Variants in HYDIN observed in about 807,000 individuals in gnomAD.
HYDIN encodes the protein HYDIN axonemal central pair apparatus protein.
In HYDIN, 132 loss-of-function variants were observed where a neutral mutation model predicts 403.9. The ratio of observed to expected loss-of-function variants is 0.33; its 90% CI spans 0.28 to 0.38. HYDIN has a LOEUF of 0.38. Ranked by LOEUF, HYDIN falls within the 10% of genes least tolerant of loss-of-function variation. The pLI is 1.00. For synonymous variants in HYDIN, 1,202 were observed against 1,891.7 expected, an observed-to-expected ratio of 0.64 and a Z score of 9.46; for missense variants, 2,827 against 5,009.5, an observed-to-expected ratio of 0.56 and a Z score of 13.15.
At chr16:70,999,198 A>T (rs1175256050) in intron 23 of HYDIN, among the ~76,000 whole-genome samples, 4 of 152,148 alleles carry the variant, frequency 2.6e-5, no homozygotes. Flanking sequence ...TCCTTCATGG[A>T]CCTTAAGAAA....
At chr16:71,210,667 A>G (rs1277107796) in intron 1 of HYDIN, among the ~76,000 whole-genome samples, 1 of 152,318 alleles carries the variant, frequency 6.6e-6, no homozygotes. Context: ...AAAAGTTAAG[A>G]TATTTAAAAA....
chr16:70,909,004 G>C lies in HYDIN; in HGVS notation c.8005-143C>G, dbSNP rs575359024. 3.0e-4 allele frequency: 222 copies of C among 733,180 alleles called. 1 individual carries two copies. In the African/African-American group the frequency reaches 3.6e-3, roughly 12 times the overall value. 45.4% of individuals were successfully genotyped at this position (733,180 alleles called of 1,614,324 possible). A position where few individuals can be genotyped will look rare whatever the true frequency, so the allele number is the denominator to read the frequency against. On this transcript the variant is annotated intron_variant, in intron 47 of 85. Coordinates refer to ENST00000393567, the MANE Select transcript of HYDIN (RefSeq NM_001270974.2). ...AGAGCAGGGCAGGGTCTAGTCTTGG[G>C]TAGTGACAAGACCAGTGCATTCCTT...
chr16:70,851,203 C>CAAAAAAAAAAA (rs4028101), intron 73 of HYDIN, among the ~76,000 whole-genome samples: 8 of 22,140 alleles, frequency 3.6e-4, no homozygotes, highest in Admixed American at 9.2e-4. Flanking sequence ...ATCAATCCTG[C>CAAAAAAAAAAA]AAAAAAAAAA....
At chr16:71,195,539 A>G (rs1207667815) in intron 1 of HYDIN, among the ~76,000 whole-genome samples, 1 of 152,212 alleles carries the variant, frequency 6.6e-6, no homozygotes, top group Non-Finnish European at 1.5e-5. Context: ...TTCACTGAGT[A>G]TAAGGATTAA....
intron 84 of HYDIN, among the ~76,000 whole-genome samples, chr16:70,813,498 C>T (rs2035640523): frequency 6.6e-6 from 1 of 150,996 alleles, no homozygotes; most frequent in African/African-American, 2.4e-5. Flanking sequence ...TTCCAGTCTC[C>T]TGAGAGACCC....
chr16:71,116,375 A>C (rs1434094907), intron 9 of HYDIN, among the ~76,000 whole-genome samples: 11 of 152,162 alleles, frequency 7.2e-5, no homozygotes, highest in Admixed American at 6.5e-4. Context: ...ACTCTTTCTT[A>C]GTAAGAGTGA....
chr16:70,833,792 G>T, intron 79 of HYDIN, 95 bp downstream of exon 79: 4 of 817,074 alleles, frequency 4.9e-6, no homozygotes, highest in Non-Finnish European at 5.9e-6. Flanking sequence ...GAGGACAGAA[G>T]TAAAAAGTGA....
intron 23 of HYDIN, among the ~76,000 whole-genome samples, chr16:70,996,556 G>T (rs2079539724): frequency 6.6e-6 from 1 of 152,020 alleles, no homozygotes; most frequent in African/African-American, 2.4e-5. Context: ...ATTGCTGTGA[G>T]CCATAGTTCA....
chr16:70,925,379 T>C (rs372235276), intron 45 of HYDIN, among the ~76,000 whole-genome samples: 6 of 152,384 alleles, frequency 3.9e-5, no homozygotes, highest in African/African-American at 1.2e-4. Flanking sequence ...ATTTATTAAA[T>C]AGGGAATCCT....
chr16:71,176,976 A>G (rs1458400966), intron 4 of HYDIN, among the ~76,000 whole-genome samples: 1 of 152,232 alleles, frequency 6.6e-6, no homozygotes, highest in African/African-American at 2.4e-5. Context: ...CTAAAGAAGC[A>G]GAGGAGCAGG....
At chr16:70,923,996 G>C (rs1206885758) in intron 45 of HYDIN, among the ~76,000 whole-genome samples, 1 of 152,056 alleles carries the variant, frequency 6.6e-6, no homozygotes, top group Non-Finnish European at 1.5e-5. Context: ...AAATGTCCGA[G>C]AGGACATAAT....
chr16:70,884,844 G>C (rs1022372872), intron 58 of HYDIN, among the ~76,000 whole-genome samples: 3 of 152,208 alleles, frequency 2.0e-5, no homozygotes, highest in Non-Finnish European at 4.4e-5. Flanking sequence ...ATAAGGGAAG[G>C]GTCTGGAACA....
intron 85 of HYDIN, 76 bp from the exon 86 acceptor site, chr16:70,808,138 C>T: frequency 5.3e-6 from 8 of 1,497,346 alleles, no homozygotes; most frequent in Non-Finnish European, 7.2e-6. Context: ...TACCCCAGCC[C>T]CTCCACTCCT....
chr16:71,116,740 A>G (rs1335296704), intron 9 of HYDIN, among the ~76,000 whole-genome samples: 1 of 151,960 alleles, frequency 6.6e-6, no homozygotes, highest in African/African-American at 2.4e-5. Flanking sequence ...TAGTAAATGT[A>G]TACTTCTTGA....
chr16:71,174,237 C>T (rs978694787), intron 5 of HYDIN, among the ~76,000 whole-genome samples: 1 of 152,138 alleles, frequency 6.6e-6, no homozygotes, highest in African/African-American at 2.4e-5. Context: ...GAATTTTTAA[C>T]CACTCACCAC....
chr16:71,187,115 T>A (rs2087192918), intron 1 of HYDIN, among the ~76,000 whole-genome samples, 197 bp from the exon 2 acceptor site: 1 of 152,110 alleles, frequency 6.6e-6, no homozygotes, highest in African/African-American at 2.4e-5. Context: ...AGATCTAGAA[T>A]CTATTTTAGA....
chr16:71,059,842 C>T (rs2082024082), intron 18 of HYDIN, among the ~76,000 whole-genome samples: 4 of 152,092 alleles, frequency 2.6e-5, no homozygotes, highest in Admixed American at 2.6e-4. Flanking sequence ...TGTCCCTAAT[C>T]CTCACATTGT....
chr16:71,221,219 G>A (rs528668458), intron 1 of HYDIN, among the ~76,000 whole-genome samples: 3 of 151,770 alleles, frequency 2.0e-5, no homozygotes, highest in East Asian at 3.9e-4. Context: ...TGAATGCAGG[G>A]GACGATTCCT....
At chr16:71,202,942 G>A (rs2088095333) in intron 1 of HYDIN, among the ~76,000 whole-genome samples, 1 of 152,100 alleles carries the variant, frequency 6.6e-6, no homozygotes. Flanking sequence ...GCTCTGATTG[G>A]TCTTGGGGGT....
Sources: gnomAD v4.1 joint callset for allele counts (sites outside exome capture counted in the v4.1 genomes callset) on GRCh38, gnomAD v4.1.1 for gene constraint, MANE v1.5 for transcripts, NCBI Gene and HGNC (gene_info 2026-07-23, HGNC 2026-07-21) for gene names.